The following GPR39 variants were observed in gnomAD, a reference collection of about 807,000 sequenced individuals.
GPR39 encodes G protein-coupled receptor 39.
A neutral mutation model predicts 18.4 loss-of-function variants in GPR39; 23 were observed. The observed-to-expected ratio is 1.25, with a 90% confidence interval of 0.90 to 1.77. GPR39 has a LOEUF of 1.77. Ranked by LOEUF, GPR39 falls within the 40% of genes most tolerant of loss-of-function variation. The probability of loss-of-function intolerance (pLI) is 0.00; values close to 1 mark genes in which losing one functional copy is unlikely to be tolerated. For missense variants in GPR39, 647 were observed against 602.4 expected (o/e 1.07, Z -0.78); for synonymous variants, 280 against 257.9 (o/e 1.09, Z -0.82).
intron 1 of GPR39, among the ~76,000 whole-genome samples, chr2:132,626,241 TA>T (rs1218200869): frequency 1.3e-5 from 2 of 152,184 alleles, no homozygotes; most frequent in African/African-American, 4.8e-5. Context: ...CACAAGTCTT[TA>T]GTATTTAAAT....
intron 1 of GPR39, among the ~76,000 whole-genome samples, chr2:132,418,831 G>A (rs1302612968): frequency 6.6e-6 from 1 of 152,192 alleles, no homozygotes; most frequent in Non-Finnish European, 1.5e-5. Context: ...TAAAAAGGAT[G>A]TATTGTGCGT....
At chr2:132,567,308 G>A (rs892627921) in intron 1 of GPR39, among the ~76,000 whole-genome samples, 2 of 152,022 alleles carry the variant, frequency 1.3e-5, no homozygotes, top group African/African-American at 2.4e-5. Flanking sequence ...GGGGACAGAG[G>A]GAGACAGTCT....
chr2:132,463,490 C>T (rs1680870190), intron 1 of GPR39, among the ~76,000 whole-genome samples: 1 of 150,438 alleles, frequency 6.6e-6, no homozygotes, highest in African/African-American at 2.4e-5. Context: ...TCTCTTTCCT[C>T]CTGTCAAGAA....
chr2:132,598,758 T>G (rs12618627), intron 1 of GPR39, among the ~76,000 whole-genome samples: 33,386 of 151,874 alleles, frequency 0.22, 3,959 homozygotes, highest in African/African-American at 0.29. Context: ...ACCAGCATCC[T>G]AGAGGCACTG....
rs183811334 is a variant in GPR39 at position 132,580,736 on chromosome 2, G to T, written c.857-64365G>T. Among the ~76,000 whole-genome samples, 143 of 152,190 alleles carry T rather than the reference G, an allele frequency of 9.4e-4. 2 individuals are homozygous for T. Among genetic ancestry groups the T allele is most frequent in the Admixed American group, 4.6e-3 (70 of 15,294 alleles). On this transcript the variant is annotated intron_variant, in intron 1 of 1. Transcript: ENST00000329321. The stretch of plus-strand genomic sequence containing the variant: ...CCCAGCACTTTGGGAGGCCAAGGTG[G>T]GTGGATCACAAAGTCGAGAGTTCAA...
At chr2:132,538,836 A>G (rs1349515888) in intron 1 of GPR39, among the ~76,000 whole-genome samples, 4 of 152,184 alleles carry the variant, frequency 2.6e-5, no homozygotes, top group Non-Finnish European at 5.9e-5. Context: ...TGCTCAGTCC[A>G]AACCTCTCAA....
chr2:132,599,928 A>G (rs1681010141), intron 1 of GPR39, among the ~76,000 whole-genome samples: 1 of 152,184 alleles, frequency 6.6e-6, no homozygotes, highest in Admixed American at 6.5e-5. Flanking sequence ...CTCATGGATG[A>G]GATATGAGTG....
At chr2:132,439,246 A>C (rs1344834327) in intron 1 of GPR39, among the ~76,000 whole-genome samples, 2 of 152,232 alleles carry the variant, frequency 1.3e-5, no homozygotes, top group Non-Finnish European at 2.9e-5. Flanking sequence ...AGAAAACCAA[A>C]GGTGAGCAAC....
intron 1 of GPR39, among the ~76,000 whole-genome samples, chr2:132,621,336 C>A (rs563284656): frequency 1.4e-4 from 22 of 152,338 alleles, no homozygotes; most frequent in African/African-American, 5.3e-4. Flanking sequence ...GTGTCACCAG[C>A]GTTGCTGCAG....
intron 1 of GPR39, among the ~76,000 whole-genome samples, chr2:132,641,066 A>C (rs1681848921): frequency 6.6e-6 from 1 of 152,234 alleles, no homozygotes; most frequent in African/African-American, 2.4e-5. Flanking sequence ...GAAAAGCGCC[A>C]GCCATTTTCC....
At chr2:132,421,082 T>G (rs375658956) in intron 1 of GPR39, among the ~76,000 whole-genome samples, 1 of 152,224 alleles carries the variant, frequency 6.6e-6, no homozygotes, top group East Asian at 1.9e-4. Context: ...GATTTCTGCC[T>G]CTTCTGGAGG....
intron 1 of GPR39, among the ~76,000 whole-genome samples, chr2:132,459,674 T>G (rs1680796856): frequency 6.6e-6 from 1 of 152,218 alleles, no homozygotes; most frequent in Non-Finnish European, 1.5e-5. Flanking sequence ...AATTATTCCC[T>G]TCTAGGGAAT....
chr2:132,618,021 T>C lies in GPR39; in HGVS notation c.857-27080T>C, dbSNP rs569327439. The stretch of plus-strand genomic sequence containing the variant: ...TACTGTGGCTCTTCCCTAAAACTCG[T>C]CTTGGTCTGGAGCATTGATTCCCCC... On this transcript the variant is annotated intron_variant, in intron 1 of 1. Coordinates refer to ENST00000329321, the MANE Select transcript of GPR39 (RefSeq NM_001508.3). 3.9e-5 allele frequency among the ~76,000 whole-genome samples: 6 copies of C among 152,318 alleles called. No homozygotes were observed. In the South Asian group the frequency reaches 1.2e-3, roughly 32 times the overall value.
chr2:132,569,796 T>G (rs990627621), intron 1 of GPR39, among the ~76,000 whole-genome samples: 1 of 151,284 alleles, frequency 6.6e-6, no homozygotes, highest in African/African-American at 2.5e-5. Flanking sequence ...GTCTTTCCTG[T>G]GCTATTAACT....
chr2:132,560,689 C>G (rs1445865044), intron 1 of GPR39, among the ~76,000 whole-genome samples: 2 of 152,202 alleles, frequency 1.3e-5, no homozygotes, highest in Non-Finnish European at 2.9e-5. Flanking sequence ...TTCTCAGCCT[C>G]TTTTCCTGGT....
At chr2:132,491,966 CA>C (rs1219459699) in intron 1 of GPR39, among the ~76,000 whole-genome samples, 5 of 150,990 alleles carry the variant, frequency 3.3e-5, no homozygotes, top group African/African-American at 9.8e-5. Flanking sequence ...AGTAAGTGCT[CA>C]AAAAAATTCA....
chr2:132,460,861 G>A (rs544985949), intron 1 of GPR39, among the ~76,000 whole-genome samples: 1 of 152,336 alleles, frequency 6.6e-6, no homozygotes, highest in South Asian at 2.1e-4. Context: ...GCTCTGGGCA[G>A]GGGCTTGCTC....
At chr2:132,597,220 G>C (rs4546056) in intron 1 of GPR39, among the ~76,000 whole-genome samples, 33,434 of 152,142 alleles carry the variant, frequency 0.22, 3,953 homozygotes, top group African/African-American at 0.29. Context: ...GTTGGGGTCA[G>C]GCTATGTGGA....
At chr2:132,575,332 CT>C (rs1680511522) in intron 1 of GPR39, among the ~76,000 whole-genome samples, 2 of 152,120 alleles carry the variant, frequency 1.3e-5, no homozygotes, top group African/African-American at 4.8e-5. Flanking sequence ...TGTGTTTAAA[CT>C]TTGTATTTTA....
Sources: gnomAD v4.1 joint callset for allele counts (sites outside exome capture counted in the v4.1 genomes callset) on GRCh38, gnomAD v4.1.1 for gene constraint, MANE v1.5 for transcripts, NCBI Gene and HGNC (gene_info 2026-07-23, HGNC 2026-07-21) for gene names.